The following MAP4K3 variants were observed in gnomAD, a reference collection of about 807,000 sequenced individuals.
The protein encoded by MAP4K3 is MAPK/ERK kinase kinase kinase 3.
MAP4K3 carries 94 observed loss-of-function variants against 143.5 expected under a neutral mutation model. The ratio of observed to expected loss-of-function variants is 0.65; its 90% confidence interval spans 0.55 to 0.78. The LOEUF (loss-of-function observed/expected upper bound fraction) is 0.78. MAP4K3 is among the 30% of genes least tolerant of loss of function. MAP4K3 has a pLI of 0.00. For missense variants in MAP4K3, 1,077 were observed against 1,068.1 expected (o/e 1.01, Z -0.12); for synonymous variants, 416 against 347.2 (o/e 1.20, Z -2.20).
chr2:39,269,694 T>C (rs987693097), intron 26 of MAP4K3, among the ~76,000 whole-genome samples: 2 of 152,154 alleles, frequency 1.3e-5, no homozygotes, highest in Non-Finnish European at 2.9e-5. Flanking sequence ...TTTTAAGTAC[T>C]TGTCTTTGTG....
intron 33 of MAP4K3, among the ~76,000 whole-genome samples, chr2:39,251,209 G>A (rs1186427193): frequency 6.6e-6 from 1 of 152,210 alleles, no homozygotes; most frequent in Non-Finnish European, 1.5e-5. Context: ...TAATGACAAA[G>A]GCTTTGAGTC....
At chr2:39,293,082 A>C in intron 17 of MAP4K3, 148 bp downstream of exon 17, 5 of 719,046 alleles carry the variant, frequency 7.0e-6, no homozygotes, top group Non-Finnish European at 1.2e-5. Flanking sequence ...ATACCACTGC[A>C]ATCCAGCCTG....
chr2:39,385,421 C>T (rs1666470635), intron 1 of MAP4K3, among the ~76,000 whole-genome samples: 1 of 151,638 alleles, frequency 6.6e-6, no homozygotes, highest in Admixed American at 6.6e-5. Flanking sequence ...GTTTGCATTT[C>T]CTTGATGACT....
intron 2 of MAP4K3, among the ~76,000 whole-genome samples, chr2:39,362,352 C>CA (rs1009353486): frequency 1.8e-4 from 28 of 152,056 alleles, no homozygotes; most frequent in African/African-American, 6.3e-4. Flanking sequence ...AAAGATTCCA[C>CA]AAAAAAACTG....
intron 2 of MAP4K3, among the ~76,000 whole-genome samples, chr2:39,365,430 ATTTTT>A (rs151026787): frequency 1.1e-5 from 1 of 87,926 alleles, no homozygotes; most frequent in South Asian, 3.8e-4. Flanking sequence ...CGCCATAGTA[ATTTTT>A]TTTTTTTTTT....
chr2:39,405,791 A>G (rs1667078121), intron 1 of MAP4K3, among the ~76,000 whole-genome samples: 1 of 151,970 alleles, frequency 6.6e-6, no homozygotes, highest in Admixed American at 6.6e-5. Context: ...TCACCTACCT[A>G]AGCCTAGGAG....
intron 3 of MAP4K3, among the ~76,000 whole-genome samples, chr2:39,352,653 T>G (rs532333758): frequency 6.6e-6 from 1 of 152,048 alleles, no homozygotes; most frequent in South Asian, 2.1e-4. Context: ...AACAGTGGAG[T>G]AGGAAAGGTC....
chr2:39,299,941 A>C, intron 15 of MAP4K3, 140 bp from the exon 16 acceptor site: 1 of 374,180 alleles, frequency 2.7e-6, no homozygotes. Context: ...ATTCTTAAAA[A>C]GAAGGATTTC....
intron 1 of MAP4K3, among the ~76,000 whole-genome samples, chr2:39,424,437 G>A (rs1572514003): frequency 6.6e-6 from 1 of 152,090 alleles, no homozygotes; most frequent in Non-Finnish European, 1.5e-5. Flanking sequence ...GTGAACAGTC[G>A]TGGGCCCACT....
At chr2:39,346,325 C>T (rs1249299051) in intron 3 of MAP4K3, among the ~76,000 whole-genome samples, 1 of 152,162 alleles carries the variant, frequency 6.6e-6, no homozygotes, top group Non-Finnish European at 1.5e-5. Flanking sequence ...CTTTATAAAA[C>T]AAAAGGCAGA....
intron 1 of MAP4K3, among the ~76,000 whole-genome samples, chr2:39,394,022 A>T (rs1666739104): frequency 6.6e-6 from 1 of 152,218 alleles, no homozygotes; most frequent in Non-Finnish European, 1.5e-5. Flanking sequence ...AATTAAATTA[A>T]TTTATAACTA....
At position 39,286,477 on chromosome 2, in the gene MAP4K3, G is replaced by A. The variant is rs142551654; in HGVS notation, c.1587+375C>T. 4.9e-3 allele frequency among the ~76,000 whole-genome samples: 751 copies of A among 152,236 alleles called. 10 individuals carry two copies. The highest frequency in any genetic ancestry group is 0.017 in the African/African-American group (698 of 41,520). On this transcript the variant is annotated intron_variant, in intron 21 of 33. Transcript: ENST00000263881. ...TTTCTTTATCTATGTCCTTCTTTCC[G>A]TAACTTCATGAGACTGTAAGAGAAA...
intron 1 of MAP4K3, among the ~76,000 whole-genome samples, chr2:39,399,043 T>C (rs1476519687): frequency 2.2e-5 from 3 of 139,036 alleles, no homozygotes; most frequent in African/African-American, 8.7e-5. Context: ...CTCTGTCTCG[T>C]TAAAAAAAAA....
intron 22 of MAP4K3, among the ~76,000 whole-genome samples, chr2:39,282,108 T>A (rs1314014659): frequency 6.7e-6 from 1 of 149,786 alleles, no homozygotes; most frequent in Non-Finnish European, 1.5e-5. Flanking sequence ...GGCAGGAGAA[T>A]GGCATGAACC....
At chr2:39,308,414 A>T (rs1301199460) in intron 14 of MAP4K3, among the ~76,000 whole-genome samples, 2 of 152,210 alleles carry the variant, frequency 1.3e-5, no homozygotes, top group South Asian at 2.1e-4. Context: ...CCACACTGGT[A>T]CACTGAATTA....
chr2:39,310,023 C>T (rs776603467), intron 13 of MAP4K3, among the ~76,000 whole-genome samples: 14 of 152,034 alleles, frequency 9.2e-5, no homozygotes, highest in South Asian at 8.3e-4. Flanking sequence ...GTGGTATATG[C>T]GATATTTTGA....
chr2:39,304,610 C>T (rs1240536264), intron 15 of MAP4K3, among the ~76,000 whole-genome samples: 1 of 152,176 alleles, frequency 6.6e-6, no homozygotes, highest in Admixed American at 6.5e-5. Flanking sequence ...AAGTCATGTG[C>T]ATCGCTGGTG....
intron 1 of MAP4K3, among the ~76,000 whole-genome samples, chr2:39,387,822 T>C (rs7588265): frequency 0.87 from 133,093 of 152,190 alleles, 59,783 homozygotes; most frequent in Non-Finnish European, 0.98. Context: ...TTAACTTGAA[T>C]GGCTCTTTGT....
intron 1 of MAP4K3, among the ~76,000 whole-genome samples, chr2:39,384,724 G>A (rs958760359): frequency 2.6e-5 from 4 of 152,126 alleles, no homozygotes; most frequent in Admixed American, 6.6e-5. Context: ...TTAATTGTAC[G>A]TGTGTACAAA....
Sources: gnomAD v4.1 joint callset for allele counts (sites outside exome capture counted in the v4.1 genomes callset) on GRCh38, gnomAD v4.1.1 for gene constraint, MANE v1.5 for transcripts, NCBI Gene and HGNC (gene_info 2026-07-23, HGNC 2026-07-21) for gene names.